The following DNAAF11 variants were observed in gnomAD, a reference collection of about 807,000 sequenced individuals.
DNAAF11 encodes dynein axonemal assembly factor 11, also known as leucine rich repeat containing 6.
DNAAF11 carries 45 observed loss-of-function variants against 60.8 expected under a neutral mutation model. That is an observed-to-expected ratio of 0.74 (90% CI 0.58 to 0.95). DNAAF11 has a LOEUF of 0.95. Ranked by LOEUF, DNAAF11 falls within the 40% of genes least tolerant of loss-of-function variation. The probability of loss-of-function intolerance (pLI) is 0.00; values close to 1 mark genes in which losing one functional copy is unlikely to be tolerated. For missense variants in DNAAF11, 546 were observed against 546.2 expected (o/e 1.00, Z 0.00); for synonymous variants, 191 against 183.5 (o/e 1.04, Z -0.33).
At chr8:132,660,708 T>G (rs1223657689) in intron 2 of DNAAF11, among the ~76,000 whole-genome samples, 1 of 152,212 alleles carries the variant, frequency 6.6e-6, no homozygotes, top group African/African-American at 2.4e-5. Context: ...TGCCCAGTCC[T>G]ACCCTCTTTC....
chr8:132,583,723 C>G lies in DNAAF11; in HGVS notation c.1197G>C (p.Ser399=), dbSNP rs557554343. ...TATTTGTTTGTTCTCTGCTCCTGTC[C>G]GAGGTAGTTTTCATAGATTTGAATG... ...QRAFKSMKTT[S]DRSREQTNTR... The change falls in exon 11 of 12, where the codon TCG becomes TCC. Residue 399 remains serine, a synonymous_variant. Transcript: ENST00000620350. 2 of 1,613,558 alleles carry G rather than the reference C, an allele frequency of 1.2e-6. No homozygotes were observed. The highest frequency in any genetic ancestry group is 2.7e-5 in the African/African-American group (2 of 74,890).
intron 10 of DNAAF11, among the ~76,000 whole-genome samples, chr8:132,606,298 G>A (rs1818125852): frequency 6.6e-6 from 1 of 151,926 alleles, no homozygotes; most frequent in African/African-American, 2.4e-5. Flanking sequence ...ATATTAGAGT[G>A]GGCTCCCTCT....
intron 11 of DNAAF11, among the ~76,000 whole-genome samples, chr8:132,579,658 A>C (rs906306384): frequency 6.6e-6 from 1 of 152,178 alleles, no homozygotes; most frequent in Non-Finnish European, 1.5e-5. Context: ...GGGTTGGTCC[A>C]AGGTCACTCA....
intron 10 of DNAAF11, among the ~76,000 whole-genome samples, chr8:132,594,423 T>C (rs534653714): frequency 6.6e-6 from 1 of 152,276 alleles, no homozygotes; most frequent in East Asian, 1.9e-4. Context: ...AGCTCTGGTA[T>C]TAAAAAGAAA....
At chr8:132,690,082 T>C in the DNAAF11 span, among the ~76,000 whole-genome samples, 3 of 152,236 alleles carry the variant, frequency 2.0e-5, no homozygotes, top group African/African-American at 7.2e-5. Context: ...TTTAATTAAA[T>C]TTTAATTTTT....
At chr8:132,600,870 C>T (rs533206419) in intron 10 of DNAAF11, among the ~76,000 whole-genome samples, 11 of 152,280 alleles carry the variant, frequency 7.2e-5, no homozygotes, top group African/African-American at 2.6e-4. Flanking sequence ...TGGGCAAGGA[C>T]TTCATGTCTA....
At chr8:132,682,459 C>A in the DNAAF11 span, among the ~76,000 whole-genome samples, 1 of 152,194 alleles carries the variant, frequency 6.6e-6, no homozygotes, top group Non-Finnish European at 1.5e-5. Flanking sequence ...CCACAAGGAA[C>A]AGAAAAATCA....
At chr8:132,638,597 G>A (rs770615393) in intron 3 of DNAAF11, among the ~76,000 whole-genome samples, 3 of 152,036 alleles carry the variant, frequency 2.0e-5, no homozygotes, top group Non-Finnish European at 2.9e-5. Flanking sequence ...TAAAACCAGC[G>A]CATCCAAACC....
chr8:132,576,840 C>T (rs886535614), intron 11 of DNAAF11, among the ~76,000 whole-genome samples: 1 of 152,122 alleles, frequency 6.6e-6, no homozygotes, highest in African/African-American at 2.4e-5. Context: ...TCACTGAGCC[C>T]CCGCATCCCT....
At chr8:132,687,754 A>C in the DNAAF11 span, 15 of 450,948 alleles carry the variant, frequency 3.3e-5, no homozygotes, top group East Asian at 9.7e-4. Flanking sequence ...TCCAAAGCTC[A>C]TGCTTTCAAT....
chr8:132,622,303 C>T (rs1819839888), intron 7 of DNAAF11, among the ~76,000 whole-genome samples: 1 of 152,130 alleles, frequency 6.6e-6, no homozygotes, highest in African/African-American at 2.4e-5. Flanking sequence ...ATAAATACAA[C>T]AATAATGTGA....
At chr8:132,702,275 G>A in the DNAAF11 span, 6 of 152,198 alleles carry the variant, frequency 3.9e-5, no homozygotes, top group African/African-American at 1.2e-4. Context: ...GAGGGTCAAT[G>A]AAGTTGACTA....
At chr8:132,652,832 C>A (rs1047558548) in intron 3 of DNAAF11, among the ~76,000 whole-genome samples, 2 of 152,002 alleles carry the variant, frequency 1.3e-5, no homozygotes, top group Non-Finnish European at 2.9e-5. Context: ...AGGAGAAGTA[C>A]CTAATGTAGA....
chr8:132,675,620 G>T, upstream of DNAAF11: 1 of 1,026,806 alleles, frequency 9.7e-7, no homozygotes, highest in Non-Finnish European at 1.4e-6. Context: ...GGGACTCTAC[G>T]GCGGCCGCGC....
At chr8:132,606,847 A>G (rs747583027) in intron 10 of DNAAF11, among the ~76,000 whole-genome samples, 2 of 152,240 alleles carry the variant, frequency 1.3e-5, no homozygotes, top group Non-Finnish European at 2.9e-5. Flanking sequence ...ATATGAGTAT[A>G]AAGAAAGGAA....
chr8:132,578,571 A>T, intron 11 of DNAAF11: 1 of 1,010,906 alleles, frequency 9.9e-7, no homozygotes, highest in Non-Finnish European at 1.5e-6. Flanking sequence ...GAAAAAAGAA[A>T]ATGCCTAAAA....
At chr8:132,653,549 G>T (rs1823237748) in intron 3 of DNAAF11, among the ~76,000 whole-genome samples, 1 of 151,838 alleles carries the variant, frequency 6.6e-6, no homozygotes, top group African/African-American at 2.4e-5. Context: ...TTAAAAGATG[G>T]CTGCAAAAAG....
chr8:132,664,054 T>C (rs1317220172), intron 1 of DNAAF11, among the ~76,000 whole-genome samples: 1 of 152,156 alleles, frequency 6.6e-6, no homozygotes, highest in Non-Finnish European at 1.5e-5. Context: ...AGCCCTCAGG[T>C]TGTTAGGAAA....
intron 10 of DNAAF11, among the ~76,000 whole-genome samples, chr8:132,591,884 C>A (rs370513326): frequency 3.3e-5 from 5 of 151,892 alleles, no homozygotes; most frequent in African/African-American, 1.2e-4. Context: ...AAAACTATTG[C>A]TTTTCCTTGG....
Sources: gnomAD v4.1 joint callset for allele counts (sites outside exome capture counted in the v4.1 genomes callset) on GRCh38, gnomAD v4.1.1 for gene constraint, MANE v1.5 for transcripts, NCBI Gene and HGNC (gene_info 2026-07-23, HGNC 2026-07-21) for gene names.